Variants in CD14 observed in about 807,000 individuals in gnomAD.
CD14 encodes monocyte differentiation antigen CD14.
In CD14, 4 loss-of-function variants were observed where a neutral mutation model predicts 2.5. That is an observed-to-expected ratio of 1.63 (90% CI 0.80 to 3.72). The LOEUF is 3.72. CD14 is among the 30% of genes most tolerant of loss of function. The probability of loss-of-function intolerance (pLI) is 0.01; values close to 1 mark genes in which losing one functional copy is unlikely to be tolerated. For synonymous variants in CD14, 236 were observed against 235.1 expected (o/e 1.00, Z -0.04); for missense variants, 478 against 497.8 (o/e 0.96, Z 0.38).
Position 140,631,768 on chromosome 5 carries a change from T to A in CD14, c.*88A>T. ...ATTTTAATAAAGGTGGGGCAAAGGG[T>A]TGAATTGGTCGAAAAGTCCTCAACG... On this transcript the variant is annotated 3_prime_UTR_variant, in exon 2 of 2. Coordinates refer to ENST00000302014, the MANE Select transcript of CD14 (RefSeq NM_000591.4). The A allele has an allele frequency of 8.0e-7, 1 of 1,253,574 alleles. No individual in the cohort carries two copies. Among genetic ancestry groups the A allele is most frequent in the Non-Finnish European group, 1.1e-6 (1 of 895,476 alleles). 77.7% of individuals were successfully genotyped at this position (1,253,574 alleles called of 1,614,324 possible).
rs758399990 is a variant in CD14 at position 140,632,899 on chromosome 5, C to G, written c.85G>C (p.Asp29His). 1 of 1,614,200 alleles carries G rather than the reference C, an allele frequency of 6.2e-7. No homozygotes were observed. Among genetic ancestry groups the G allele is most frequent in the South Asian group, 1.1e-5 (1 of 91,078 alleles). Reference protein sequence around the residue: ...ATTPEPCELDDEDFRCVCNFS... With the variant: ...ATTPEPCELDHEDFRCVCNFS... ...TTGCAGACGCAGCGGAAATCTTCAT[C>G]GTCCAGCTCACAAGGTTCTGGCGTG... Residue 29 changes from aspartate to histidine, a missense_variant, in exon 2 of 2, where the codon GAT (aspartate) becomes CAT (histidine). Coordinates refer to ENST00000302014, the MANE Select transcript of CD14 (RefSeq NM_000591.4). This position sits in a 1 kb window ranked among gnomAD's most constrained non-coding sequence, Gnocchi z 6.2.
At position 140,632,179 on chromosome 5, in the gene CD14, C is replaced by T; in HGVS notation, c.805G>A (p.Ala269Thr). 6.2e-7 allele frequency: 1 copy of T among 1,613,912 alleles called. No individual in the cohort carries two copies. ...GCGCTGGACCACATGCATCTCGGAGCGCTAGGGTTTACGGTGGCGCGCAGC... is the reference window on the plus strand; with the variant it reads ...GCGCTGGACCACATGCATCTCGGAGTGCTAGGGTTTACGGTGGCGCGCAGC... ...NSLRATVNPS[A>T]PRCMWSSALN... The change falls in exon 2 of 2, where the codon GCT becomes ACT. Residue 269 changes from alanine (A) to threonine (T), a missense_variant. Coordinates refer to ENST00000302014, the MANE Select transcript of CD14 (RefSeq NM_000591.4). The surrounding 1 kb of genome is among the most constrained non-coding windows in gnomAD (Gnocchi z 6.2).
In CD14 at chr5:140,632,001, C is replaced by T; in HGVS notation, c.983G>A (p.Gly328Glu). The T allele has an allele frequency of 6.2e-7, 1 of 1,614,114 alleles. No homozygotes were observed. The highest frequency in any genetic ancestry group is 8.5e-7 in the Non-Finnish European group (1 of 1,179,966). Residue 328 changes from glycine to glutamate, a missense_variant, in exon 2 of 2, where the codon GGG becomes GAG. Physicochemically the swap from Gly to Glu is moderately conservative, Grantham distance 98. Transcript: ENST00000302014. The surrounding 1 kb of genome is among the most constrained non-coding windows in gnomAD (Gnocchi z 6.2). ...LPEVDNLTLD[G>E]NPFLVPGTAL... ...AGTTCCAGGGACCAGGAAGGGATTC[C>T]CGTCCAGTGTCAGGTTATCCACCTC... is the stretch of plus-strand genomic sequence containing the variant.
In CD14 at chr5:140,632,713, C is replaced by T. The variant is rs1756637918; in HGVS notation, c.271G>A (p.Val91Met). The change falls in exon 2 of 2, where the codon GTG (valine) becomes ATG (methionine). Residue 91 changes from valine to methionine, a missense_variant. By Grantham distance (21) the Val-to-Met change is conservative. Transcript: ENST00000302014. This position sits in a 1 kb window ranked among gnomAD's most constrained non-coding sequence, Gnocchi z 6.2. Reference sequence around the variant, plus strand: ...GCGGCTCCCACTGTGAGCCGCCGCACGCGGAGAGCCTTGACCGTGTCAGCA... The same window carrying T: ...GCGGCTCCCACTGTGAGCCGCCGCATGCGGAGAGCCTTGACCGTGTCAGCA... The part of the protein sequence containing the change: ...QYADTVKALR[V>M]RRLTVGAAQV... 9.9e-6 allele frequency: 16 copies of T among 1,613,556 alleles called. No homozygotes were observed. The highest frequency in any genetic ancestry group is 1.4e-5 in the Non-Finnish European group (16 of 1,180,028).
In CD14 at chr5:140,632,249, CGCCAGTGCGGCGCACACGCCTG is replaced by C. The variant is rs776075266; in HGVS notation, c.713_734del (p.Thr238ArgfsTer10). 3.1e-6 allele frequency: 5 copies of C among 1,613,660 alleles called. No homozygotes were observed. In the East Asian group the frequency reaches 1.1e-4, roughly 36 times the overall value. On this transcript the variant is annotated frameshift_variant, in exon 2 of 2. Transcript: ENST00000302014. LOFTEE classifies it low-confidence loss of function (END_TRUNC). The surrounding 1 kb of genome is among the most constrained non-coding windows in gnomAD (Gnocchi z 6.2). ...GGCTGTGGGGCTGCACACCTGCCGC[CGCCAGTGCGGCGCACACGCCTG>C]TGGGCGTCTCCATTCCTGTGTTGCG...
rs760985023 is a variant in CD14, at chr5:140,632,676, G to C, written c.308C>G (p.Ala103Gly). 1 of 1,613,838 alleles carries C rather than the reference G, an allele frequency of 6.2e-7. No homozygotes were observed. Among genetic ancestry groups the C allele is most frequent in the African/African-American group, 1.3e-5 (1 of 75,078 alleles). ...ACGCAGGGCGCCTACCAGTAGCTGA[G>C]CAGGAACCTGTGCGGCTCCCACTGT... ...RLTVGAAQVPAQLLVGALRVL... is the reference protein window; with the variant it reads ...RLTVGAAQVPGQLLVGALRVL... Residue 103 changes from alanine (A) to glycine (G), a missense_variant, in exon 2 of 2, where the codon GCT becomes GGT. Coordinates refer to ENST00000302014, the MANE Select transcript of CD14 (RefSeq NM_000591.4). This position sits in a 1 kb window ranked among gnomAD's most constrained non-coding sequence, Gnocchi z 6.2.
chr5:140,632,823 G>C lies in CD14; in HGVS notation c.161C>G (p.Ala54Gly). ...DWSEAFQCVS[A>G]VEVEIHAGGL... is the part of the protein sequence containing the mutation. ...GCCGGCATGGATCTCCACCTCTACT[G>C]CAGACACACACTGGAAGGCTTCGGA... The change falls in exon 2 of 2, where the codon GCA becomes GGA. Residue 54 changes from alanine to glycine, a missense_variant. Transcript: ENST00000302014. This position sits in a 1 kb window ranked among gnomAD's most constrained non-coding sequence, Gnocchi z 6.2. The C allele has an allele frequency of 6.2e-7, 1 of 1,613,936 alleles. No homozygotes were observed. Among genetic ancestry groups the C allele is most frequent in the Non-Finnish European group, 8.5e-7 (1 of 1,180,032 alleles).
In CD14 at chr5:140,633,103, G is replaced by T; in HGVS notation, c.-32C>A. On this transcript the variant is annotated 5_prime_UTR_variant, in exon 1 of 2. Transcript: ENST00000302014. ...TAAGTCTTCCGAACCTCTGAGCTCC[G>T]GACAGGCTCTGGAAGTGCTTTAGCT... 6.2e-7 allele frequency: 1 copy of T among 1,613,778 alleles called. No homozygotes were observed. The highest frequency in any genetic ancestry group is 8.5e-7 in the Non-Finnish European group (1 of 1,179,876).
rs142233870 is a variant in CD14 at position 140,632,644 on chromosome 5, C to T, written c.340G>A (p.Ala114Thr). ...QLLVGALRVL[A>T]YSRLKELTLE... ...GTCAGTTCCTTGAGGCGGGAGTACG[C>T]TAGCACACGCAGGGCGCCTACCAGT... Residue 114 changes from alanine (A) to threonine (T), a missense_variant, in exon 2 of 2, where the codon GCG becomes ACG. By Grantham distance (58) the Ala-to-Thr change is moderately conservative. Transcript: ENST00000302014. The surrounding 1 kb of genome is among the most constrained non-coding windows in gnomAD (Gnocchi z 6.2). 180 of 1,613,676 alleles carry T rather than the reference C, an allele frequency of 1.1e-4. No homozygotes were observed. Among genetic ancestry groups the T allele is most frequent in the Non-Finnish European group, 1.4e-4 (171 of 1,180,036 alleles).
Position 140,632,211 on chromosome 5 carries a change from T to C in CD14, c.773A>G (p.His258Arg), listed in dbSNP as rs759439522. 7.4e-6 allele frequency: 12 copies of C among 1,613,586 alleles called. No individual in the cohort carries two copies. Among genetic ancestry groups the C allele is most frequent in the Non-Finnish European group, 8.5e-6 (10 of 1,179,814 alleles). Reference protein sequence around the residue: ...GVQPHSLDLSHNSLRATVNPS... With the variant: ...GVQPHSLDLSRNSLRATVNPS... ...GTTTACGGTGGCGCGCAGCGAGTTG[T>C]GGCTGAGGTCTAGGCTGTGGGGCTG... Residue 258 changes from histidine to arginine, a missense_variant, in exon 2 of 2, where the codon CAC becomes CGC. By Grantham distance (29) the His-to-Arg change is conservative. Coordinates refer to ENST00000302014, the MANE Select transcript of CD14 (RefSeq NM_000591.4). The surrounding 1 kb of genome is among the most constrained non-coding windows in gnomAD (Gnocchi z 6.2).
At chr5:140,633,476 C>T, upstream of CD14, 2 of 390,996 alleles carry the variant, frequency 5.1e-6, no homozygotes, top group South Asian at 4.5e-5. Context: ...GGATGATCCT[C>T]AGTGCCTTAG....
chr5:140,632,709 C>G lies in CD14; in HGVS notation c.275G>C (p.Arg92Pro), dbSNP rs751158365. The part of the protein sequence containing the change: ...YADTVKALRV[R>P]RLTVGAAQVP... Reference sequence around the variant, plus strand: ...CTGTGCGGCTCCCACTGTGAGCCGCCGCACGCGGAGAGCCTTGACCGTGTC... The same window carrying G: ...CTGTGCGGCTCCCACTGTGAGCCGCGGCACGCGGAGAGCCTTGACCGTGTC... Residue 92 changes from arginine to proline, a missense_variant, in exon 2 of 2, where the codon CGG (arginine) becomes CCG (proline). Coordinates refer to ENST00000302014, the MANE Select transcript of CD14 (RefSeq NM_000591.4). This position sits in a 1 kb window ranked among gnomAD's most constrained non-coding sequence, Gnocchi z 6.2. The G allele has an allele frequency of 6.2e-7, 1 of 1,613,532 alleles. No individual in the cohort carries two copies. The highest frequency in any genetic ancestry group is 8.5e-7 in the Non-Finnish European group (1 of 1,180,008).
upstream of CD14, chr5:140,633,196 A>C (rs1756673116): frequency 8.3e-7 from 1 of 1,206,868 alleles, no homozygotes; most frequent in Non-Finnish European, 1.2e-6. Context: ...GCTGCCTCTG[A>C]CAGTTTATGT....
Position 140,633,156 on chromosome 5 carries a change from C to G in CD14, c.-85G>C. 1 of 1,563,860 alleles carries G rather than the reference C, an allele frequency of 6.4e-7. No individual in the cohort carries two copies. The highest frequency in any genetic ancestry group is 1.1e-5 in the South Asian group (1 of 87,976). ...TTTCCTACACAGCGGCACCCGCCGG[C>G]TTCCAGGCTTCACACTTGTGAACTC... On this transcript the variant is annotated 5_prime_UTR_variant, in exon 1 of 2. Coordinates refer to ENST00000302014, the MANE Select transcript of CD14 (RefSeq NM_000591.4).
At position 140,632,786 on chromosome 5, in the gene CD14, T is replaced by C; in HGVS notation, c.198A>G (p.Leu66=). The change falls in exon 2 of 2, where the codon CTA becomes CTG. Residue 66 remains leucine, a synonymous_variant. Transcript: ENST00000302014. This position sits in a 1 kb window ranked among gnomAD's most constrained non-coding sequence, Gnocchi z 6.2. ...EVEIHAGGLN[L]EPFLKRVDAD... ...CATCGACGCGCTTTAGAAACGGCTC[T>C]AGGTTGAGACCGCCGGCATGGATCT... 6 of 1,613,660 alleles carry C rather than the reference T, an allele frequency of 3.7e-6. No individual in the cohort carries two copies. The highest frequency in any genetic ancestry group is 5.1e-6 in the Non-Finnish European group (6 of 1,180,022).
rs927524845 is a variant in CD14, at chr5:140,632,609, GTCCTCGAGCGTCAGT to G, written c.360_374del (p.Glu120_Glu124del). On this transcript the variant is annotated inframe_deletion, in exon 2 of 2. Transcript: ENST00000302014. The surrounding 1 kb of genome is among the most constrained non-coding windows in gnomAD (Gnocchi z 6.2). ...GAGGCATGGTGCCGGTTATCTTTAG[GTCCTCGAGCGTCAGT>G]TCCTTGAGGCGGGAGTACGCTAGCA... is the stretch of plus-strand genomic sequence containing the variant. 1 of 1,613,838 alleles carries G rather than the reference GTCCTCGAGCGTCAGT, an allele frequency of 6.2e-7. No homozygotes were observed. The highest frequency in any genetic ancestry group is 1.3e-5 in the African/African-American group (1 of 74,932).
Position 140,632,530 on chromosome 5 carries a change from C to T in CD14, c.454G>A (p.Val152Met). 6.2e-7 allele frequency: 1 copy of T among 1,614,204 alleles called. No individual in the cohort carries two copies. The change falls in exon 2 of 2, where the codon GTG (valine) becomes ATG (methionine). Residue 152 changes from valine to methionine, a missense_variant. Val to Met is a conservative substitution (Grantham distance 21). Coordinates refer to ENST00000302014, the MANE Select transcript of CD14 (RefSeq NM_000591.4). The surrounding 1 kb of genome is among the most constrained non-coding windows in gnomAD (Gnocchi z 6.2). The stretch of plus-strand genomic sequence containing the variant: ...CAAGAACGCCCTGTCGCCCACGACA[C>T]GTTGCGTAGGCGCAAGCTGGAAAGT... ...LALSSLRLRN[V>M]SWATGRSWLA...
At position 140,632,735 on chromosome 5, in the gene CD14, A is replaced by G. The variant is rs368465360; in HGVS notation, c.249T>C (p.Ala83=). ...GCACGCGGAGAGCCTTGACCGTGTC[A>G]GCATACTGCCGCGGGTCGGCGTCCG... ...VDADADPRQY[A]DTVKALRVRR... The change falls in exon 2 of 2, where the codon GCT becomes GCC. Residue 83 remains alanine (A), a synonymous_variant. Coordinates refer to ENST00000302014, the MANE Select transcript of CD14 (RefSeq NM_000591.4). The surrounding 1 kb of genome is among the most constrained non-coding windows in gnomAD (Gnocchi z 6.2). 3 of 1,613,574 alleles carry G rather than the reference A, an allele frequency of 1.9e-6. No homozygotes were observed. Among genetic ancestry groups the G allele is most frequent in the Admixed American group, 1.7e-5 (1 of 60,004 alleles).
At position 140,632,371 on chromosome 5, in the gene CD14, G is replaced by A; in HGVS notation, c.613C>T (p.Pro205Ser). 5.0e-6 allele frequency: 8 copies of A among 1,614,186 alleles called. No individual in the cohort carries two copies. The highest frequency in any genetic ancestry group is 6.8e-6 in the Non-Finnish European group (8 of 1,180,052). ...ATCAGTCCGCGTTCGCCCAGTCCAG[G>A]ATTGTCAGACAGGTCTAGGCTGGTA... ...ALTSLDLSDN[P>S]GLGERGLMAA... Residue 205 changes from proline (P) to serine (S), a missense_variant, in exon 2 of 2, where the codon CCT becomes TCT. Transcript: ENST00000302014. The surrounding 1 kb of genome is among the most constrained non-coding windows in gnomAD (Gnocchi z 6.2).
Sources: allele counts gnomAD v4.1 joint callset, GRCh38; gene constraint gnomAD v4.1.1; non-coding constraint Gnocchi (gnomAD v3.1); transcripts MANE v1.5; gene names NCBI Gene and HGNC (gene_info 2026-07-23, HGNC 2026-07-21).